The following MYRIP variants were observed in gnomAD, a reference collection of about 807,000 sequenced individuals.
MYRIP encodes the protein myosin VIIA and Rab interacting protein.
MYRIP carries 49 observed loss-of-function variants against 98.0 expected under a neutral mutation model. That is an observed-to-expected ratio of 0.50 (90% CI 0.40 to 0.63). The LOEUF is 0.63. MYRIP is among the 30% of genes least tolerant of loss of function. The probability of loss-of-function intolerance (pLI) is 0.00; values close to 1 mark genes in which losing one functional copy is unlikely to be tolerated. For missense variants in MYRIP, 1,004 were observed against 1,058.2 expected, an observed-to-expected ratio of 0.95 and a Z score of 0.71; for synonymous variants, 404 against 409.5, an observed-to-expected ratio of 0.99 and a Z score of 0.16.
At chr3:39,891,953 CTT>C (rs1943499783) in intron 1 of MYRIP, among the ~76,000 whole-genome samples, 1 of 151,346 alleles carries the variant, frequency 6.6e-6, no homozygotes, top group Middle Eastern at 3.2e-3. Context: ...ACTTTGTTGA[CTT>C]TATGATATCT....
At chr3:40,068,951 C>T (rs1948172732) in intron 3 of MYRIP, among the ~76,000 whole-genome samples, 1 of 152,210 alleles carries the variant, frequency 6.6e-6, no homozygotes, top group Non-Finnish European at 1.5e-5. Flanking sequence ...GCGTCACCAG[C>T]TACAAAACCC....
chr3:39,912,971 C>T (rs965340692), intron 2 of MYRIP, among the ~76,000 whole-genome samples: 4 of 152,082 alleles, frequency 2.6e-5, no homozygotes, highest in Non-Finnish European at 4.4e-5. Context: ...ACCCAGGAGG[C>T]GGAGGTTGCA....
chr3:40,192,103 G>GT (rs540619580), intron 10 of MYRIP, among the ~76,000 whole-genome samples: 16,154 of 142,120 alleles, frequency 0.11, 1,522 homozygotes, highest in African/African-American at 0.26. Flanking sequence ...ACCCTGATGG[G>GT]TTTTTTTTTT....
chr3:39,984,322 C>T (rs1258689970), intron 2 of MYRIP, among the ~76,000 whole-genome samples: 1 of 152,012 alleles, frequency 6.6e-6, no homozygotes, highest in African/African-American at 2.4e-5. Flanking sequence ...GTGCGCTGCA[C>T]CCACTAACTC....
intron 3 of MYRIP, 111 bp downstream of exon 3, chr3:40,044,382 T>G: frequency 9.7e-7 from 1 of 1,028,380 alleles, no homozygotes; most frequent in South Asian, 1.5e-5. Flanking sequence ...ACACAGAGTA[T>G]TGACCAAAGT....
intron 3 of MYRIP, among the ~76,000 whole-genome samples, chr3:40,134,136 C>T (rs567109113): frequency 1.6e-4 from 24 of 152,120 alleles, no homozygotes; most frequent in African/African-American, 5.5e-4. Context: ...CTTTCCGAGT[C>T]AAAAAAAGGG....
chr3:40,237,974 A>C (rs1952867800), intron 12 of MYRIP, among the ~76,000 whole-genome samples: 2 of 152,140 alleles, frequency 1.3e-5, no homozygotes, highest in African/African-American at 4.8e-5. Flanking sequence ...CTTTAATTGT[A>C]TGTTTTTTTT....
intron 1 of MYRIP, among the ~76,000 whole-genome samples, chr3:39,825,199 A>G (rs114101906): frequency 0.013 from 1,910 of 151,924 alleles, 49 homozygotes; most frequent in African/African-American, 0.044. Flanking sequence ...TCTCTTGCCT[A>G]TTTGCTCTTA....
chr3:39,968,222 GT>G (rs34248673), intron 2 of MYRIP, among the ~76,000 whole-genome samples: 6 of 147,432 alleles, frequency 4.1e-5, no homozygotes, highest in Non-Finnish European at 6.0e-5. Flanking sequence ...CATTTAACTT[GT>G]TTTTTTTTTT....
chr3:39,932,034 T>C (rs893242240), intron 2 of MYRIP, among the ~76,000 whole-genome samples: 5 of 152,194 alleles, frequency 3.3e-5, no homozygotes, highest in South Asian at 2.1e-4. Context: ...TTGTAACTTA[T>C]GTCCCTGAGT....
At position 40,126,895 on chromosome 3, in the gene MYRIP, G is replaced by T. The variant is rs370364158; in HGVS notation, c.333-24153G>T. The stretch of plus-strand genomic sequence containing the variant: ...CAGTCGGTTGGGTGAGCTGCCATCG[G>T]CAGGTGACAGACCCAGTTGGAAAGT... On this transcript the variant is annotated intron_variant, in intron 3 of 16. Coordinates refer to ENST00000302541, the MANE Select transcript of MYRIP (RefSeq NM_015460.4). 5.1e-4 allele frequency among the ~76,000 whole-genome samples: 77 copies of T among 152,322 alleles called. 1 individual carries two copies. In the South Asian group the frequency reaches 0.015, roughly 30 times the overall value.
chr3:40,233,862 T>A lies in MYRIP; in HGVS notation c.1909T>A (p.Phe637Ile). ...CTTCTGTTATCGGACCAAACAGAAG[T>A]TTTCTGCTGTTTCTCTCTGCAACAT... ...QSVQEELKKK[F>I]SAVSLCNIST... Residue 637 changes from phenylalanine to isoleucine, a missense_variant, in exon 12 of 17, where the codon TTT (phenylalanine) becomes ATT (isoleucine). Phe to Ile is a conservative substitution (Grantham distance 21, BLOSUM62 0). This residue lies in a region of MYRIP where 880 missense variants were observed against 907.7 expected (regional missense o/e 0.97). Coordinates refer to ENST00000302541, the MANE Select transcript of MYRIP (RefSeq NM_015460.4). The A allele has an allele frequency of 6.2e-7, 1 of 1,611,868 alleles. No homozygotes were observed.
At chr3:40,256,917 C>T (rs1953610427) in intron 16 of MYRIP, among the ~76,000 whole-genome samples, 1 of 152,114 alleles carries the variant, frequency 6.6e-6, no homozygotes, top group Middle Eastern at 3.4e-3. Context: ...TGTTCTGTGC[C>T]CATCACACAC....
At chr3:39,921,392 C>T (rs1944298859) in intron 2 of MYRIP, among the ~76,000 whole-genome samples, 1 of 152,202 alleles carries the variant, frequency 6.6e-6, no homozygotes, top group Non-Finnish European at 1.5e-5. Flanking sequence ...CTCTACTCCA[C>T]TCCCCTAACT....
intron 3 of MYRIP, among the ~76,000 whole-genome samples, chr3:40,101,519 A>G (rs1948945166): frequency 6.6e-6 from 1 of 151,520 alleles, no homozygotes; most frequent in East Asian, 1.9e-4. Flanking sequence ...TCTTTCTTCC[A>G]TTTTCTTTGT....
chr3:40,169,091 A>C (rs1400793341), intron 7 of MYRIP, among the ~76,000 whole-genome samples: 4 of 152,124 alleles, frequency 2.6e-5, no homozygotes, highest in African/African-American at 9.7e-5. Context: ...CCATATACCC[A>C]ACATGCAATG....
intron 12 of MYRIP, among the ~76,000 whole-genome samples, chr3:40,235,733 G>C (rs1049340704): frequency 1.6e-4 from 25 of 152,190 alleles, no homozygotes; most frequent in African/African-American, 5.6e-4. Flanking sequence ...CCAGGTGCCA[G>C]GTCCTTTTCT....
intron 11 of MYRIP, among the ~76,000 whole-genome samples, chr3:40,228,087 C>T (rs1353530322): frequency 6.6e-6 from 1 of 152,126 alleles, no homozygotes; most frequent in Non-Finnish European, 1.5e-5. Context: ...AGGGATCTGC[C>T]ATGTATTCAT....
chr3:39,817,052 C>T (rs1335209144), intron 1 of MYRIP, among the ~76,000 whole-genome samples: 1 of 152,110 alleles, frequency 6.6e-6, no homozygotes, highest in Non-Finnish European at 1.5e-5. Context: ...CCTTTATGGG[C>T]CAGTTGCTCC....
Sources: allele counts gnomAD v4.1 joint callset (sites outside exome capture counted in the v4.1 genomes callset), GRCh38; gene constraint gnomAD v4.1.1; regional missense constraint gnomAD v4.1.1; transcripts MANE v1.5; gene names NCBI Gene and HGNC (gene_info 2026-07-23, HGNC 2026-07-21).